The following NSUN3 variants were observed in gnomAD, a reference collection of about 807,000 sequenced individuals.
NSUN3 encodes the protein tRNA (cytosine(34)-C(5))-methyltransferase, mitochondrial.
NSUN3 carries 24 observed loss-of-function variants against 36.8 expected under a neutral mutation model. The ratio of observed to expected loss-of-function variants is 0.65; its 90% confidence interval spans 0.47 to 0.92. The LOEUF (loss-of-function observed/expected upper bound fraction) is 0.92. NSUN3 is among the 40% of genes least tolerant of loss of function. The probability of loss-of-function intolerance (pLI) is 0.00; values close to 1 mark genes in which losing one functional copy is unlikely to be tolerated. For missense variants in NSUN3, 381 were observed against 392.8 expected (o/e 0.97, Z 0.25); for synonymous variants, 146 against 145.2 (o/e 1.01, Z -0.04).
rs1049810830 is a variant in NSUN3 at position 94,095,027 on chromosome 3, C to T, written c.622-6C>T. The T allele has an allele frequency of 3.7e-6, 6 of 1,610,262 alleles. No individual in the cohort carries two copies. Among genetic ancestry groups the T allele is most frequent in the African/African-American group, 1.3e-5 (1 of 74,624 alleles). ...TATTTGCATCACTTGTCTTTTTTTT[C>T]TCTAGGTGTTAGTGGATGCTCCGTG... On this transcript the variant is annotated splice_region_variant and splice_polypyrimidine_tract_variant and intron_variant, in intron 4 of 5. Coordinates refer to ENST00000314622, the MANE Select transcript of NSUN3 (RefSeq NM_022072.5).
chr3:94,082,052 G>A (rs925662437), intron 2 of NSUN3: 1 of 152,178 alleles, frequency 6.6e-6, no homozygotes, highest in African/African-American at 2.4e-5. Flanking sequence ...CTTTTTAGCT[G>A]ATGGGTAGGC....
At chr3:94,082,939 C>A (rs1327604900) in intron 2 of NSUN3, among the ~76,000 whole-genome samples, 2 of 152,130 alleles carry the variant, frequency 1.3e-5, no homozygotes, top group African/African-American at 4.8e-5. Context: ...TTATCTTCAT[C>A]AGAAGAAAAC....
Position 94,084,226 on chromosome 3 carries a change from C to G in NSUN3, c.242C>G (p.Ser81Cys), listed in dbSNP as rs751762468. The G allele has an allele frequency of 3.1e-6, 5 of 1,614,024 alleles. No homozygotes were observed. Among genetic ancestry groups the G allele is most frequent in the Admixed American group, 3.3e-5 (2 of 59,998 alleles). Reference sequence around the variant, plus strand: ...GGCTATCACACACTCTCTCAGGGATCTTTACCCAACTATCCTAAATCAGTG... The same window carrying G: ...GGCTATCACACACTCTCTCAGGGATGTTTACCCAACTATCCTAAATCAGTG... ...LKGYHTLSQGSLPNYPKSVKC... is the reference protein window; with the variant it reads ...LKGYHTLSQGCLPNYPKSVKC... Residue 81 changes from serine to cysteine, a missense_variant, in exon 3 of 6, where the codon TCT (serine) becomes TGT (cysteine). Coordinates refer to ENST00000314622, the MANE Select transcript of NSUN3 (RefSeq NM_022072.5).
At position 94,127,348 on chromosome 3, in the gene NSUN3, C is replaced by T. The variant is rs1576106015; in HGVS notation, c.*858C>T. On this transcript the variant is annotated 3_prime_UTR_variant, in exon 6 of 6. Coordinates refer to ENST00000314622, the MANE Select transcript of NSUN3 (RefSeq NM_022072.5). Reference sequence around the variant, plus strand: ...AGCACTACAGAATCTGATTATCTTACATTCACAATCTGGAGGGGCTTTTTA... The same window carrying T: ...AGCACTACAGAATCTGATTATCTTATATTCACAATCTGGAGGGGCTTTTTA... 6.6e-6 allele frequency: 1 copy of T among 152,290 alleles called. No homozygotes were observed. Among genetic ancestry groups the T allele is most frequent in the East Asian group, 1.9e-4 (1 of 5,188 alleles). The allele number at this position is 152,290 out of a possible 1,614,324, so 9.4% of individuals were successfully genotyped here.
At chr3:94,115,176 T>C (rs2077434621) in intron 5 of NSUN3, among the ~76,000 whole-genome samples, 1 of 152,220 alleles carries the variant, frequency 6.6e-6, no homozygotes, top group Non-Finnish European at 1.5e-5. Flanking sequence ...GATAGCTTTA[T>C]AAGGTAGTCT....
chr3:94,082,433 A>T (rs2077273390), intron 2 of NSUN3, among the ~76,000 whole-genome samples: 1 of 152,202 alleles, frequency 6.6e-6, no homozygotes, highest in Non-Finnish European at 1.5e-5. Flanking sequence ...AGAGGTTGTC[A>T]TCCTCCAAAA....
chr3:94,122,739 C>T (rs1052113930), intron 5 of NSUN3, among the ~76,000 whole-genome samples: 3 of 151,906 alleles, frequency 2.0e-5, no homozygotes, highest in African/African-American at 4.8e-5. Context: ...AAAATAAGAA[C>T]ACTTACACGC....
intron 5 of NSUN3, among the ~76,000 whole-genome samples, chr3:94,112,093 C>T (rs922743371): frequency 2.0e-5 from 3 of 152,106 alleles, no homozygotes; most frequent in African/African-American, 7.2e-5. Context: ...CCATCTTGTT[C>T]CAGGGAGGTC....
chr3:94,104,138 C>G (rs1159351712), intron 5 of NSUN3, among the ~76,000 whole-genome samples: 3 of 152,092 alleles, frequency 2.0e-5, no homozygotes, highest in African/African-American at 7.2e-5. Flanking sequence ...CACGTATCAA[C>G]TTCATAAGGT....
At chr3:94,067,708 A>G (rs2077210720) in intron 2 of NSUN3, among the ~76,000 whole-genome samples, 1 of 152,154 alleles carries the variant, frequency 6.6e-6, no homozygotes, top group African/African-American at 2.4e-5. Flanking sequence ...CCTATGTACA[A>G]CCCTCTGAAA....
Position 94,118,503 on chromosome 3 carries a change from G to A in NSUN3, c.744-7708G>A, listed in dbSNP as rs77553094. 5.1e-3 allele frequency among the ~76,000 whole-genome samples: 773 copies of A among 152,170 alleles called. 7 individuals are homozygous for A. The highest frequency in any genetic ancestry group is 0.017 in the African/African-American group (704 of 41,526). On this transcript the variant is annotated intron_variant, in intron 5 of 5. Transcript: ENST00000314622. ...CCAGTCTTAATACAGCTTGGTTAGT[G>A]ATAATTTCATGCATTATAGTTAGTG...
intron 5 of NSUN3, among the ~76,000 whole-genome samples, chr3:94,120,016 A>G (rs1469483850): frequency 6.6e-6 from 1 of 152,276 alleles, no homozygotes; most frequent in East Asian, 1.9e-4. Flanking sequence ...CATTGGCAAC[A>G]TTATAGAAAT....
chr3:94,077,976 T>C (rs543872071), intron 2 of NSUN3, among the ~76,000 whole-genome samples: 23 of 152,336 alleles, frequency 1.5e-4, no homozygotes, highest in African/African-American at 5.3e-4. Flanking sequence ...TCTTGTCTTC[T>C]GCTAGCTTTT....
At chr3:94,064,343 A>G in intron 1 of NSUN3, 94 bp from the exon 2 acceptor site, 1 of 729,822 alleles carries the variant, frequency 1.4e-6, no homozygotes. Flanking sequence ...ATCCAAAAAA[A>G]GTGTTCTTGT....
intron 1 of NSUN3, 109 bp downstream of exon 1, chr3:94,063,247 C>A: frequency 9.1e-7 from 1 of 1,098,462 alleles, no homozygotes; most frequent in Non-Finnish European, 1.4e-6. Flanking sequence ...CTTTGTTCGT[C>A]CCCTCGCGAG....
chr3:94,074,625 G>A (rs2077239212), intron 2 of NSUN3, among the ~76,000 whole-genome samples: 1 of 152,138 alleles, frequency 6.6e-6, no homozygotes, highest in Non-Finnish European at 1.5e-5. Flanking sequence ...TGGTATATAG[G>A]AATGCTTGTG....
intron 2 of NSUN3, chr3:94,081,510 T>C (rs1229904362): frequency 1.3e-5 from 2 of 152,228 alleles, no homozygotes. Context: ...CACATCAGAC[T>C]ACTAATTTTT....
chr3:94,071,896 C>T (rs926797403), intron 2 of NSUN3, among the ~76,000 whole-genome samples: 11 of 152,166 alleles, frequency 7.2e-5, no homozygotes, highest in African/African-American at 2.7e-4. Context: ...CACTTTCCCT[C>T]CAGCCCCAGG....
chr3:94,100,820 A>G (rs1052587722), intron 5 of NSUN3, among the ~76,000 whole-genome samples: 2 of 152,148 alleles, frequency 1.3e-5, no homozygotes, highest in African/African-American at 4.8e-5. Flanking sequence ...TTTATGAGAA[A>G]TATTTATGTT....
Sources: gnomAD v4.1 joint callset for allele counts (sites outside exome capture counted in the v4.1 genomes callset) on GRCh38, gnomAD v4.1.1 for gene constraint, MANE v1.5 for transcripts, NCBI Gene and HGNC (gene_info 2026-07-23, HGNC 2026-07-21) for gene names.